The following ADGRL3 variants were observed in gnomAD, a reference collection of about 807,000 sequenced individuals.
ADGRL3 encodes calcium-independent alpha-latrotoxin receptor 3.
A neutral mutation model predicts 153.5 loss-of-function variants in ADGRL3; 62 were observed. That is an observed-to-expected ratio of 0.40 (90% CI 0.33 to 0.50). The LOEUF (loss-of-function observed/expected upper bound fraction) is 0.50. Ranked by LOEUF, ADGRL3 falls within the 20% of genes least tolerant of loss-of-function variation. The pLI, the probability that ADGRL3 is intolerant of heterozygous loss-of-function variation, is 0.47. For synonymous variants in ADGRL3, 710 were observed against 672.5 expected, an observed-to-expected ratio of 1.06 and a Z score of -0.86; for missense variants, 1,641 against 1,859.4, an observed-to-expected ratio of 0.88 and a Z score of 2.16.
chr4:61,971,396 G>A (rs2099027023), intron 17 of ADGRL3, among the ~76,000 whole-genome samples: 1 of 152,086 alleles, frequency 6.6e-6, no homozygotes, highest in South Asian at 2.1e-4. Flanking sequence ...CTATGAGTGA[G>A]AACATGTGGT....
chr4:61,613,681 C>CTG (rs1241275799), intron 5 of ADGRL3, among the ~76,000 whole-genome samples: 1 of 152,128 alleles, frequency 6.6e-6, no homozygotes, highest in African/African-American at 2.4e-5. Context: ...GAGGCAGAGG[C>CTG]TGCAATGAGC....
chr4:61,433,706 A>G lies in ADGRL3; in HGVS notation c.-174+50517A>G, dbSNP rs1002076749. Reference sequence around the variant, plus strand: ...ATCTGTGTCACTGACTCCCAAATTTATACGTGTGTTGAGTTTCCTTCTGAG... The same window carrying G: ...ATCTGTGTCACTGACTCCCAAATTTGTACGTGTGTTGAGTTTCCTTCTGAG... On this transcript the variant is annotated intron_variant, in intron 2 of 26. Transcript: ENST00000683033. 7.9e-5 allele frequency among the ~76,000 whole-genome samples: 12 copies of G among 152,154 alleles called. 1 individual carries two copies. The highest frequency in any genetic ancestry group is 2.9e-4 in the African/African-American group (12 of 41,448).
chr4:61,809,859 A>T (rs1362977674), intron 8 of ADGRL3, among the ~76,000 whole-genome samples: 2 of 152,044 alleles, frequency 1.3e-5, no homozygotes, highest in African/African-American at 2.4e-5. Flanking sequence ...TGTACTAAAA[A>T]CTGTTTTAAT....
chr4:62,031,914 G>A (rs1230276858), intron 23 of ADGRL3, among the ~76,000 whole-genome samples: 12 of 150,270 alleles, frequency 8.0e-5, no homozygotes, highest in African/African-American at 2.2e-4. Context: ...TTGTGTATTA[G>A]GAAGTAATTA....
chr4:61,666,543 GAA>G (rs35300313), intron 5 of ADGRL3, among the ~76,000 whole-genome samples: 2 of 143,106 alleles, frequency 1.4e-5, no homozygotes, highest in African/African-American at 5.1e-5. Context: ...TGTCCCAGAT[GAA>G]AAAAAAAAAA....
At chr4:61,499,989 CACA>C (rs1463601187) in intron 3 of ADGRL3, among the ~76,000 whole-genome samples, 72 of 7,424 alleles carry the variant, frequency 9.7e-3, no homozygotes, top group African/African-American at 0.013. Flanking sequence ...CACACACAGA[CACA>C]CACACACACA....
Position 61,541,842 on chromosome 4 carries a change from T to TACACACACAC in ADGRL3, c.259+24349_259+24358dup, listed in dbSNP as rs3075148. 1.4e-4 allele frequency among the ~76,000 whole-genome samples: 21 copies of TACACACACAC among 146,570 alleles called. No homozygotes were observed. In the South Asian group the frequency reaches 3.3e-3, roughly 23 times the overall value. ...CCTTAGATATATATGTGTGTGTGTA[T>TACACACACAC]ACACACACACACACACACACACACA... On this transcript the variant is annotated intron_variant, in intron 4 of 26. Coordinates refer to ENST00000683033, the MANE Select transcript of ADGRL3 (RefSeq NM_001387552.1).
At chr4:61,462,247 T>C (rs934323877) in intron 2 of ADGRL3, among the ~76,000 whole-genome samples, 1 of 152,196 alleles carries the variant, frequency 6.6e-6, no homozygotes, top group African/African-American at 2.4e-5. Context: ...CTGGATCCAC[T>C]AATCTCTTAC....
chr4:61,679,452 A>G (rs1274474889), intron 6 of ADGRL3, among the ~76,000 whole-genome samples: 1 of 152,086 alleles, frequency 6.6e-6, no homozygotes, highest in Non-Finnish European at 1.5e-5. Flanking sequence ...CACCTTGTAG[A>G]CCTTCCCTGA....
intron 12 of ADGRL3, among the ~76,000 whole-genome samples, chr4:61,912,197 T>G (rs1284076347): frequency 6.6e-6 from 1 of 152,176 alleles, no homozygotes; most frequent in African/African-American, 2.4e-5. Context: ...CAAAGAGTCA[T>G]AATGAATGGG....
chr4:61,869,245 AT>A (rs1014635844), intron 9 of ADGRL3, among the ~76,000 whole-genome samples: 55 of 149,342 alleles, frequency 3.7e-4, no homozygotes, highest in African/African-American at 8.3e-4. Context: ...TGCCCAGCCC[AT>A]TTTTTTTTTA....
chr4:61,824,181 A>T (rs2097780421), intron 9 of ADGRL3, among the ~76,000 whole-genome samples: 1 of 152,234 alleles, frequency 6.6e-6, no homozygotes, highest in South Asian at 2.1e-4. Context: ...TTAAGAATGC[A>T]ATATGACACA....
intron 1 of ADGRL3, among the ~76,000 whole-genome samples, chr4:61,282,267 T>C (rs2093749759): frequency 1.3e-5 from 2 of 152,192 alleles, no homozygotes; most frequent in Non-Finnish European, 2.9e-5. Context: ...CAACTGATAA[T>C]AGAATTTTCA....
At chr4:61,614,161 G>A (rs1250291811) in intron 5 of ADGRL3, among the ~76,000 whole-genome samples, 2 of 152,162 alleles carry the variant, frequency 1.3e-5, no homozygotes, top group Non-Finnish European at 2.9e-5. Context: ...AGCCAGCACA[G>A]AAGTGAAAAT....
chr4:61,273,558 C>T (rs552930765), intron 1 of ADGRL3, among the ~76,000 whole-genome samples: 17 of 151,920 alleles, frequency 1.1e-4, no homozygotes, highest in African/African-American at 3.9e-4. Flanking sequence ...TCCTAGCCAA[C>T]GTTAAAAGAA....
At chr4:61,261,238 C>T (rs1333035781) in intron 1 of ADGRL3, among the ~76,000 whole-genome samples, 60 of 149,400 alleles carry the variant, frequency 4.0e-4, no homozygotes, top group Non-Finnish European at 6.4e-4. Context: ...TGTTATGTTC[C>T]CCAGGCTGGT....
chr4:61,682,143 G>T (rs955005896), intron 6 of ADGRL3, among the ~76,000 whole-genome samples: 2 of 151,984 alleles, frequency 1.3e-5, no homozygotes, highest in African/African-American at 4.8e-5. Flanking sequence ...ATTACTTGGT[G>T]ATTGCAATCC....
intron 4 of ADGRL3, among the ~76,000 whole-genome samples, chr4:61,521,967 T>C (rs2098533927): frequency 6.6e-6 from 1 of 152,154 alleles, no homozygotes; most frequent in Admixed American, 6.6e-5. Context: ...TAATAACTGG[T>C]AGCCTTATTA....
At chr4:61,901,369 C>T (rs377627171) in intron 11 of ADGRL3, among the ~76,000 whole-genome samples, 2 of 152,234 alleles carry the variant, frequency 1.3e-5, no homozygotes, top group South Asian at 2.1e-4. Context: ...TATTTTACAA[C>T]GTTTGACAAC....
Sources: gnomAD v4.1 joint callset for allele counts (sites outside exome capture counted in the v4.1 genomes callset) on GRCh38, gnomAD v4.1.1 for gene constraint, MANE v1.5 for transcripts, NCBI Gene and HGNC (gene_info 2026-07-23, HGNC 2026-07-21) for gene names.